Variants in SPEF2 observed in about 807,000 individuals in gnomAD.
The protein encoded by SPEF2 is sperm flagella and cilia-associated protein 2.
In SPEF2, 187 loss-of-function variants were observed where a neutral mutation model predicts 224.6. That is an observed-to-expected ratio of 0.83 (90% CI 0.74 to 0.94). The LOEUF (loss-of-function observed/expected upper bound fraction) is 0.94, where lower values mean the gene tolerates loss of function less well. SPEF2 is among the 40% of genes least tolerant of loss of function. The pLI is 0.00. For missense variants in SPEF2, 2,170 were observed against 2,135.6 expected (o/e 1.02, Z -0.32); for synonymous variants, 715 against 707.3 (o/e 1.01, Z -0.17).
Position 35,705,089 on chromosome 5 carries a change from T to C in SPEF2, c.2507+427T>C, listed in dbSNP as rs543788614. On this transcript the variant is annotated intron_variant, in intron 17 of 36. Transcript: ENST00000356031. ...ATTGCAAAGGGAAATTTAGACAAAA[T>C]TATACAATTTTATGAAACCCTGAAA... Among the ~76,000 whole-genome samples the C allele has an allele frequency of 9.9e-5, 15 of 152,118 alleles. 1 individual carries two copies. The South Asian group carries it at 2.9e-3, about 29-fold the overall frequency.
intron 10 of SPEF2, chr5:35,670,435 G>A (rs1580201601): frequency 8.3e-7 from 1 of 1,201,258 alleles, no homozygotes; most frequent in East Asian, 3.9e-5. Context: ...AGTAATCTTA[G>A]GGGAGTGGTC....
chr5:35,741,043 C>T (rs1389957040), intron 23 of SPEF2, among the ~76,000 whole-genome samples: 1 of 152,160 alleles, frequency 6.6e-6, no homozygotes, highest in Non-Finnish European at 1.5e-5. Context: ...TCAATAAATA[C>T]TTATTGAGCA....
Position 35,800,066 on chromosome 5 carries a change from A to C in SPEF2, c.4929A>C (p.Glu1643Asp), listed in dbSNP as rs751272140. The C allele has an allele frequency of 1.8e-5, 29 of 1,614,042 alleles. No homozygotes were observed. The highest frequency in any genetic ancestry group is 2.4e-5 in the Non-Finnish European group (28 of 1,180,032). Residue 1643 changes from glutamate to aspartate, a missense_variant, in exon 34 of 37, where the codon GAA becomes GAC. By Grantham distance (45) the Glu-to-Asp change is conservative. Transcript: ENST00000356031. ...TTGCTTGCCACCCAGACACCGTGGA[A>C]GGAGTCTACAGGGCCCTCAGTGTGG... ...LYFACHPDTV[E>D]GVYRALSVAV... is the part of the protein sequence containing the mutation.
At chr5:35,769,218 T>C (rs1171494602) in intron 26 of SPEF2, among the ~76,000 whole-genome samples, 1 of 152,058 alleles carries the variant, frequency 6.6e-6, no homozygotes, top group Non-Finnish European at 1.5e-5. Context: ...AAAAATCCAA[T>C]TTTGAAGAAA....
chr5:35,739,524 C>T (rs2149688802), intron 21 of SPEF2, among the ~76,000 whole-genome samples: 1 of 152,264 alleles, frequency 6.6e-6, no homozygotes, highest in Non-Finnish European at 1.5e-5. Context: ...CTGGGATTGG[C>T]ACATGCCACC....
chr5:35,628,636 G>A lies in SPEF2; in HGVS notation c.161+74G>A, dbSNP rs1355684873. On this transcript the variant is annotated intron_variant, in intron 2 of 36. Coordinates refer to ENST00000356031, the MANE Select transcript of SPEF2 (RefSeq NM_024867.4). ...AGACAAGGTCTTGTTCTGTTACTGA[G>A]ACTGGAGTGCAGTAGCGTGATCATA... The A allele has an allele frequency of 5.8e-6, 6 of 1,042,478 alleles. No homozygotes were observed. In the East Asian group the frequency reaches 1.4e-4, roughly 25 times the overall value. The allele number at this position is 1,042,478 out of a possible 1,614,324, so 64.6% of individuals were successfully genotyped here. A position where few individuals can be genotyped will look rare whatever the true frequency, so the allele number is the denominator to read the frequency against.
At chr5:35,751,029 A>G (rs1379589710) in intron 23 of SPEF2, among the ~76,000 whole-genome samples, 1 of 102,808 alleles carries the variant, frequency 9.7e-6, no homozygotes, top group Non-Finnish European at 2.0e-5. Flanking sequence ...ATATACGTAT[A>G]TATATACACA....
At chr5:35,784,980 TC>T (rs1224004909) in intron 30 of SPEF2, among the ~76,000 whole-genome samples, 1 of 152,188 alleles carries the variant, frequency 6.6e-6, no homozygotes, top group Non-Finnish European at 1.5e-5. Context: ...TATGGATTTT[TC>T]CAGGCTTAGT....
intron 10 of SPEF2, among the ~76,000 whole-genome samples, chr5:35,677,593 G>C (rs1752205146): frequency 6.6e-6 from 1 of 152,180 alleles, no homozygotes; most frequent in Non-Finnish European, 1.5e-5. Flanking sequence ...CAATGCCTTG[G>C]AAGGGCCATG....
rs116567098 is a variant in SPEF2, at chr5:35,697,644, A to T, written c.2038-46A>T. Reference sequence around the variant, plus strand: ...TTTTCCTCCAAATGTTTGGAATTTGACTTTTAAATTAGCCATCTTCTGTCA... The same window carrying T: ...TTTTCCTCCAAATGTTTGGAATTTGTCTTTTAAATTAGCCATCTTCTGTCA... On this transcript the variant is annotated intron_variant, in intron 14 of 36. Coordinates refer to ENST00000356031, the MANE Select transcript of SPEF2 (RefSeq NM_024867.4). 2,437 of 1,481,712 alleles carry T rather than the reference A, an allele frequency of 1.6e-3. 30 individuals are homozygous for T. In the African/African-American group the frequency reaches 0.031, roughly 19 times the overall value. 91.8% of individuals were successfully genotyped at this position (1,481,712 alleles called of 1,614,324 possible).
intron 20 of SPEF2, among the ~76,000 whole-genome samples, chr5:35,718,454 C>T (rs59469456): frequency 0.028 from 4,263 of 152,152 alleles, 215 homozygotes; most frequent in African/African-American, 0.097. Flanking sequence ...AAGAGGGGAG[C>T]AGGCATCCCT....
intron 24 of SPEF2, among the ~76,000 whole-genome samples, chr5:35,755,951 T>G (rs534910146): frequency 2.6e-5 from 4 of 152,258 alleles, no homozygotes; most frequent in African/African-American, 9.6e-5. Context: ...ATGAGGAAAT[T>G]GAGACAAACA....
At chr5:35,618,175 C>T (rs1025668008) in intron 1 of SPEF2, 120 bp downstream of exon 1, 4 of 1,084,978 alleles carry the variant, frequency 3.7e-6, no homozygotes, top group Non-Finnish European at 5.5e-6. Context: ...GGTGGGGCAC[C>T]TGCGTAGCCG....
chr5:35,755,013 G>C (rs1296145653), intron 24 of SPEF2, among the ~76,000 whole-genome samples: 5 of 152,242 alleles, frequency 3.3e-5, no homozygotes, highest in Admixed American at 3.3e-4. Flanking sequence ...GACCACAGAA[G>C]GTCTGAAATA....
chr5:35,635,916 C>T (rs945002218), intron 2 of SPEF2, among the ~76,000 whole-genome samples: 1 of 151,992 alleles, frequency 6.6e-6, no homozygotes, highest in Non-Finnish European at 1.5e-5. Context: ...TTATAATAGG[C>T]CATTGAAGGT....
chr5:35,636,416 T>C (rs1745841258), intron 2 of SPEF2, among the ~76,000 whole-genome samples: 1 of 152,148 alleles, frequency 6.6e-6, no homozygotes, highest in Admixed American at 6.5e-5. Context: ...TTCCTAGGCA[T>C]CCATACATTC....
At chr5:35,650,480 C>A (rs1329596043) in intron 6 of SPEF2, among the ~76,000 whole-genome samples, 1 of 152,142 alleles carries the variant, frequency 6.6e-6, no homozygotes, top group Non-Finnish European at 1.5e-5. Flanking sequence ...TTCTTTCACC[C>A]ATCTCTCTAA....
At position 35,654,293 on chromosome 5, in the gene SPEF2, G is replaced by A. The variant is rs183327349; in HGVS notation, c.792-247G>A. ...AAAAAAGGTGAAAGAATAAAAAGCT[G>A]ATGGGCCTTGAAAGAAGGCTATGAT... On this transcript the variant is annotated intron_variant, in intron 6 of 36. Transcript: ENST00000356031. Among the ~76,000 whole-genome samples the A allele has an allele frequency of 2.0e-5, 3 of 151,948 alleles. No individual in the cohort carries two copies. The East Asian group carries it at 5.8e-4, about 29-fold the overall frequency.
In SPEF2 at chr5:35,807,164, A is replaced by G. The variant is rs1176803126; in HGVS notation, c.5290A>G (p.Lys1764Glu). The G allele has an allele frequency of 1.9e-6, 3 of 1,613,650 alleles. No homozygotes were observed. The East Asian group carries it at 6.7e-5, about 36-fold the overall frequency. Reference protein sequence around the residue: ...FIKTFQDLGAKNLEPIEVAVL... With the variant: ...FIKTFQDLGAENLEPIEVAVL... The stretch of plus-strand genomic sequence containing the variant: ...AAAAACATTTCAAGACCTAGGTGCC[A>G]AGAACCTGGAGCCAATTGAAGTCGC... The change falls in exon 36 of 37, where the codon AAG becomes GAG. Residue 1764 changes from lysine to glutamate, a missense_variant. Coordinates refer to ENST00000356031, the MANE Select transcript of SPEF2 (RefSeq NM_024867.4).
Sources: allele counts gnomAD v4.1 joint callset (sites outside exome capture counted in the v4.1 genomes callset), GRCh38; gene constraint gnomAD v4.1.1; transcripts MANE v1.5; gene names NCBI Gene and HGNC (gene_info 2026-07-23, HGNC 2026-07-21).